MACO1: variants seen among roughly 807,000 people sequenced by gnomAD.
MACO1 encodes the protein macoilin.
A neutral mutation model predicts 78.7 loss-of-function variants in MACO1; 14 were observed. The observed-to-expected ratio is 0.18, with a 90% CI of 0.12 to 0.28. The LOEUF (loss-of-function observed/expected upper bound fraction) is 0.28, where lower values mean the gene tolerates loss of function less well. Among genes scored for constraint, MACO1 ranks in the 10% least tolerant of loss-of-function variants. The probability of loss-of-function intolerance (pLI) is 1.00; values close to 1 mark genes in which losing one functional copy is unlikely to be tolerated. For missense variants in MACO1, 501 were observed against 799.0 expected (o/e 0.63, Z 4.50); for synonymous variants, 288 against 291.6 (o/e 0.99, Z 0.12).
intron 1 of MACO1, among the ~76,000 whole-genome samples, chr1:25,440,497 A>C (rs2042961883): frequency 6.6e-6 from 1 of 151,896 alleles, no homozygotes; most frequent in Non-Finnish European, 1.5e-5. Flanking sequence ...TGCTGAGCAC[A>C]GTGGCTCACG....
At chr1:25,488,786 A>T (rs143975722) in intron 8 of MACO1, among the ~76,000 whole-genome samples, 144 of 151,774 alleles carry the variant, frequency 9.5e-4, no homozygotes, top group African/African-American at 3.2e-3. Flanking sequence ...CACTCGGCCA[A>T]CCTATAGTCT....
rs1213781259 is a variant in MACO1 at position 25,499,634 on chromosome 1, G to A, written c.*1168G>A. 6.8e-6 allele frequency: 1 copy of A among 146,134 alleles called. No homozygotes were observed. Among genetic ancestry groups the A allele is most frequent in the Non-Finnish European group, 1.5e-5 (1 of 66,572 alleles). The allele number at this position is 146,134 out of a possible 1,614,324, so 9.1% of individuals were successfully genotyped here. ...CAGTTTCAAATGTGTATTATACATG[G>A]GTAGAAAAGTGTTTGCACAGGCAAC... On this transcript the variant is annotated 3_prime_UTR_variant, in exon 11 of 11. Coordinates refer to ENST00000374343, the MANE Select transcript of MACO1 (RefSeq NM_018202.6).
At chr1:25,448,395 T>C (rs551956140) in intron 2 of MACO1, among the ~76,000 whole-genome samples, 6 of 151,664 alleles carry the variant, frequency 4.0e-5, no homozygotes, top group Non-Finnish European at 7.4e-5. Flanking sequence ...ACCCGGGAGG[T>C]GGAGGTTGCA....
At chr1:25,433,428 GT>G (rs2042893015) in intron 1 of MACO1, among the ~76,000 whole-genome samples, 1 of 152,152 alleles carries the variant, frequency 6.6e-6, no homozygotes, top group Non-Finnish European at 1.5e-5. Context: ...ATGCTAAGTT[GT>G]TTTTCACACC....
chr1:25,457,041 G>A (rs1423028251), intron 5 of MACO1, among the ~76,000 whole-genome samples: 1 of 150,908 alleles, frequency 6.6e-6, no homozygotes, highest in Non-Finnish European at 1.5e-5. Context: ...GTTTAAATAT[G>A]TTTATTTTAT....
intron 1 of MACO1, among the ~76,000 whole-genome samples, chr1:25,435,463 A>G (rs541643455): frequency 1.8e-4 from 28 of 152,186 alleles, no homozygotes; most frequent in Admixed American, 2.0e-4. Context: ...CAACTTCCCA[A>G]TTTCCTTTTT....
At chr1:25,439,806 G>C (rs1479969129) in intron 1 of MACO1, among the ~76,000 whole-genome samples, 1 of 151,664 alleles carries the variant, frequency 6.6e-6, no homozygotes, top group Non-Finnish European at 1.5e-5. Flanking sequence ...ATCACTTGAG[G>C]TCAGGAGTTT....
intron 2 of MACO1, among the ~76,000 whole-genome samples, chr1:25,448,403 G>T (rs1314563311): frequency 4.6e-5 from 7 of 152,260 alleles, no homozygotes; most frequent in Middle Eastern, 3.4e-3. Context: ...GGTGGAGGTT[G>T]CAGTGAGCCA....
chr1:25,482,508 C>A (rs1412406313), intron 6 of MACO1, among the ~76,000 whole-genome samples: 1 of 152,128 alleles, frequency 6.6e-6, no homozygotes, highest in Non-Finnish European at 1.5e-5. Context: ...ATGGCTGTTC[C>A]TGCCTTTGAG....
At chr1:25,467,475 T>C (rs2043229795) in intron 6 of MACO1, among the ~76,000 whole-genome samples, 1 of 148,200 alleles carries the variant, frequency 6.7e-6, no homozygotes, top group South Asian at 2.1e-4. Context: ...TTTAACACTT[T>C]GAGTTAACAA....
intron 4 of MACO1, among the ~76,000 whole-genome samples, chr1:25,455,626 A>G (rs549467724): frequency 6.6e-5 from 10 of 152,304 alleles, no homozygotes; most frequent in African/African-American, 2.2e-4. Flanking sequence ...GGTAAGTTCA[A>G]TGAAAATATT....
intron 6 of MACO1, among the ~76,000 whole-genome samples, chr1:25,475,450 G>A (rs2043313553): frequency 3.3e-5 from 5 of 151,490 alleles, no homozygotes; most frequent in Non-Finnish European, 7.4e-5. Context: ...GGTGGCTCAC[G>A]CCTGTAATCT....
chr1:25,439,474 G>A (rs1489987413), intron 1 of MACO1, among the ~76,000 whole-genome samples: 9 of 151,914 alleles, frequency 5.9e-5, no homozygotes, highest in Admixed American at 2.0e-4. Flanking sequence ...ATGTACGCGC[G>A]CGTGTGTGTG....
chr1:25,454,056 G>C (rs950005922), intron 3 of MACO1, among the ~76,000 whole-genome samples: 1 of 152,066 alleles, frequency 6.6e-6, no homozygotes, highest in Non-Finnish European at 1.5e-5. Flanking sequence ...TTTTTGCCAG[G>C]ATGTTTGTCT....
rs116168263 is a variant in MACO1 at position 25,496,852 on chromosome 1, A to G, written c.1793-1412A>G. ...GTACATTTGAAACAGACTGCAGGGA[A>G]TTGAATCCTGGCTCTGTCACTAGCT... On this transcript the variant is annotated intron_variant, in intron 10 of 10. Transcript: ENST00000374343. 7.1e-3 allele frequency among the ~76,000 whole-genome samples: 1,078 copies of G among 152,310 alleles called. 16 individuals carry two copies. The highest frequency in any genetic ancestry group is 0.025 in the African/African-American group (1,023 of 41,566).
At chr1:25,457,147 A>G (rs2043128964) in intron 5 of MACO1, among the ~76,000 whole-genome samples, 1 of 151,884 alleles carries the variant, frequency 6.6e-6, no homozygotes, top group South Asian at 2.1e-4. Context: ...TCTGTTGCCT[A>G]AGCTGGAGTG....
intron 3 of MACO1, among the ~76,000 whole-genome samples, chr1:25,452,981 C>T (rs540309542): frequency 8.4e-4 from 126 of 150,466 alleles, no homozygotes; most frequent in African/African-American, 3.0e-3. Flanking sequence ...AAGCATGAGC[C>T]ACCACGCCTG....
At chr1:25,474,559 T>A (rs1227096344) in intron 6 of MACO1, among the ~76,000 whole-genome samples, 1 of 152,182 alleles carries the variant, frequency 6.6e-6, no homozygotes, top group Non-Finnish European at 1.5e-5. Flanking sequence ...GAAACACCAC[T>A]CCCTTTACTG....
intron 6 of MACO1, among the ~76,000 whole-genome samples, chr1:25,476,239 C>G (rs895441117): frequency 5.3e-5 from 8 of 152,344 alleles, no homozygotes; most frequent in Non-Finnish European, 8.8e-5. Flanking sequence ...TTTTCTGTCT[C>G]TCTTTGCATT....
Sources: allele counts gnomAD v4.1 joint callset (sites outside exome capture counted in the v4.1 genomes callset), GRCh38; gene constraint gnomAD v4.1.1; transcripts MANE v1.5; gene names NCBI Gene and HGNC (gene_info 2026-07-23, HGNC 2026-07-21).